Variants in ITGBL1 observed in about 807,000 individuals in gnomAD.
The protein encoded by ITGBL1 is integrin subunit beta like 1.
In ITGBL1, 51 loss-of-function variants were observed where a neutral mutation model predicts 68.5. The observed-to-expected ratio is 0.74, with a 90% CI of 0.59 to 0.94. The LOEUF is 0.94. Among genes scored for constraint, ITGBL1 ranks in the 40% least tolerant of loss-of-function variants. ITGBL1 has a pLI of 0.00. For synonymous variants in ITGBL1, 209 were observed against 227.3 expected, an observed-to-expected ratio of 0.92 and a Z score of 0.72; for missense variants, 649 against 647.4, an observed-to-expected ratio of 1.00 and a Z score of -0.03.
intron 7 of ITGBL1, among the ~76,000 whole-genome samples, chr13:101,632,061 CA>C (rs1363556838): frequency 6.6e-6 from 1 of 151,360 alleles, no homozygotes; most frequent in Non-Finnish European, 1.5e-5. Context: ...ATAATTAAAA[CA>C]ATAAACTTGG....
chr13:101,453,924 C>A lies in ITGBL1; in HGVS notation c.140C>A (p.Ser47Ter). ...GAACRLSRAE[S>*]ERRCRAPGQP... ...GCCTGCAGGCTGTCCCGGGCCGAGTCGGAGCGACGCTGCCGCGCACCTGGG... is the reference window on the plus strand; with the variant it reads ...GCCTGCAGGCTGTCCCGGGCCGAGTAGGAGCGACGCTGCCGCGCACCTGGG... The change falls in exon 2 of 11, where the codon TCG (serine) becomes TAG (stop). Residue 47 changes from serine (S) to a stop codon, truncating the protein, a stop_gained. Transcript: ENST00000376180. LOFTEE classifies it high-confidence loss of function. 1.5e-6 allele frequency: 2 copies of A among 1,347,434 alleles called. No individual in the cohort carries two copies. Among genetic ancestry groups the A allele is most frequent in the Non-Finnish European group, 1.9e-6 (2 of 1,047,990 alleles). The allele number at this position is 1,347,434 out of a possible 1,614,324, so 83.5% of individuals were successfully genotyped here.
chr13:101,586,140 A>C (rs2050553095), intron 6 of ITGBL1, among the ~76,000 whole-genome samples: 1 of 152,164 alleles, frequency 6.6e-6, no homozygotes, highest in African/African-American at 2.4e-5. Flanking sequence ...AGTGTCATTA[A>C]GGAGGCTGCA....
intron 2 of ITGBL1, among the ~76,000 whole-genome samples, chr13:101,549,923 C>CCG (rs2049893558): frequency 2.6e-5 from 4 of 152,010 alleles, no homozygotes; most frequent in Non-Finnish European, 5.9e-5. Flanking sequence ...AATAATTGAT[C>CCG]TCAGAGGTCT....
chr13:101,715,324 C>A (rs956194183), intron 10 of ITGBL1: 56 of 468,558 alleles, frequency 1.2e-4, no homozygotes, highest in African/African-American at 1.0e-3. Flanking sequence ...TGGAGTGATA[C>A]AGGATGGTGA....
chr13:101,551,254 A>C (rs1301818777), intron 2 of ITGBL1, among the ~76,000 whole-genome samples: 1 of 152,208 alleles, frequency 6.6e-6, no homozygotes, highest in Non-Finnish European at 1.5e-5. Flanking sequence ...TGGGAATAAA[A>C]TCTGATTGTA....
rs200437270 is a variant in ITGBL1 at position 101,478,625 on chromosome 13, TA to T, written c.316+24528del. Among the ~76,000 whole-genome samples, 784 of 152,168 alleles carry T rather than the reference TA, an allele frequency of 5.2e-3. 20 individuals carry two copies. The highest frequency in any genetic ancestry group is 0.041 in the Admixed American group (624 of 15,254). ...AAACTATTAGAACTGATAAATTCAG[TA>T]AAGTTTCAGGATATAAAATCAAAAT... On this transcript the variant is annotated intron_variant, in intron 2 of 10. Transcript: ENST00000376180.
intron 2 of ITGBL1, among the ~76,000 whole-genome samples, chr13:101,508,823 A>T (rs1387826791): frequency 6.6e-6 from 1 of 151,992 alleles, no homozygotes; most frequent in East Asian, 1.9e-4. Context: ...CAATATTTCA[A>T]CTCTTTGAGA....
chr13:101,601,356 A>G (rs1323187902), intron 7 of ITGBL1, among the ~76,000 whole-genome samples: 3 of 152,010 alleles, frequency 2.0e-5, no homozygotes, highest in Non-Finnish European at 4.4e-5. Context: ...CTACCGGTCT[A>G]TCAATTTTGT....
At chr13:101,703,844 T>C (rs2034190213) in intron 8 of ITGBL1, among the ~76,000 whole-genome samples, 1 of 152,140 alleles carries the variant, frequency 6.6e-6, no homozygotes, top group Non-Finnish European at 1.5e-5. Context: ...CAAACCTTCT[T>C]GGAAGGCTGG....
At chr13:101,546,682 A>G (rs2049830388) in intron 2 of ITGBL1, among the ~76,000 whole-genome samples, 1 of 152,116 alleles carries the variant, frequency 6.6e-6, no homozygotes, top group Non-Finnish European at 1.5e-5. Context: ...ATGAAACTGT[A>G]TACATTAACT....
chr13:101,663,785 G>A (rs961778522), intron 7 of ITGBL1, among the ~76,000 whole-genome samples: 8 of 152,092 alleles, frequency 5.3e-5, no homozygotes, highest in Admixed American at 6.5e-5. Flanking sequence ...TACTACTAAT[G>A]TAAAATAAAC....
intron 2 of ITGBL1, among the ~76,000 whole-genome samples, chr13:101,538,586 TAAAC>T (rs1594874689): frequency 1.3e-5 from 2 of 151,902 alleles, no homozygotes; most frequent in South Asian, 2.1e-4. Context: ...ACGAACATAA[TAAAC>T]AAAACTCCAG....
intron 2 of ITGBL1, among the ~76,000 whole-genome samples, chr13:101,485,691 C>G (rs1044780222): frequency 6.6e-6 from 1 of 152,082 alleles, no homozygotes; most frequent in African/African-American, 2.4e-5. Flanking sequence ...GCTTGGGAGG[C>G]TGAGGCAGGA....
At chr13:101,543,678 G>A (rs1433694053) in intron 2 of ITGBL1, among the ~76,000 whole-genome samples, 1 of 152,270 alleles carries the variant, frequency 6.6e-6, no homozygotes, top group East Asian at 1.9e-4. Flanking sequence ...CATTCTCCCT[G>A]TCACTTTCAG....
intron 7 of ITGBL1, among the ~76,000 whole-genome samples, chr13:101,664,578 A>C (rs1024370245): frequency 1.3e-5 from 2 of 152,204 alleles, no homozygotes; most frequent in African/African-American, 4.8e-5. Context: ...TAATTGATCC[A>C]GGATCAATTT....
intron 2 of ITGBL1, among the ~76,000 whole-genome samples, chr13:101,554,233 G>C (rs903287730): frequency 1.3e-5 from 2 of 152,126 alleles, no homozygotes; most frequent in African/African-American, 4.8e-5. Context: ...TGAATTGTAG[G>C]AGGACACAAC....
intron 7 of ITGBL1, among the ~76,000 whole-genome samples, chr13:101,623,949 T>C (rs548015850): frequency 6.6e-6 from 1 of 152,300 alleles, no homozygotes; most frequent in Admixed American, 6.5e-5. Context: ...AAGAACAAAT[T>C]TTGTAAGCAT....
intron 7 of ITGBL1, among the ~76,000 whole-genome samples, chr13:101,662,075 T>G (rs1200768800): frequency 6.6e-6 from 1 of 152,204 alleles, no homozygotes; most frequent in African/African-American, 2.4e-5. Flanking sequence ...TTAGGCATTC[T>G]TTGTTCTCTT....
At chr13:101,585,866 T>C (rs1374074955) in intron 6 of ITGBL1, among the ~76,000 whole-genome samples, 1 of 152,240 alleles carries the variant, frequency 6.6e-6, no homozygotes, top group Non-Finnish European at 1.5e-5. Context: ...CCCTTTTTCC[T>C]ATGGGTATTC....
Sources: allele counts gnomAD v4.1 joint callset (sites outside exome capture counted in the v4.1 genomes callset), GRCh38; gene constraint gnomAD v4.1.1; transcripts MANE v1.5; gene names NCBI Gene and HGNC (gene_info 2026-07-23, HGNC 2026-07-21).